Variants in TMEM244 observed in about 807,000 individuals in gnomAD.
The protein encoded by TMEM244 is putative transmembrane protein 244.
In TMEM244, 13 loss-of-function variants were observed where a neutral mutation model predicts 15.8. The ratio of observed to expected loss-of-function variants is 0.82; its 90% CI spans 0.53 to 1.30. TMEM244 has a LOEUF of 1.30. Among genes scored for constraint, TMEM244 ranks in the 50% most tolerant of loss-of-function variants. The pLI is 0.00. For missense variants in TMEM244, 161 were observed against 144.9 expected (o/e 1.11, Z -0.57); for synonymous variants, 45 against 48.7 (o/e 0.92, Z 0.32).
intron 1 of TMEM244, among the ~76,000 whole-genome samples, chr6:129,860,059 A>T (rs545652327): frequency 6.6e-6 from 1 of 151,980 alleles, no homozygotes; most frequent in African/African-American, 2.4e-5. Flanking sequence ...TGATTCTAAG[A>T]TAGTGAGGAA....
chr6:129,835,628 T>C (rs572389122), intron 3 of TMEM244, among the ~76,000 whole-genome samples: 1 of 152,086 alleles, frequency 6.6e-6, no homozygotes, highest in South Asian at 2.1e-4. Flanking sequence ...GCACAAGGGG[T>C]GGGGCGATTT....
intron 1 of TMEM244, among the ~76,000 whole-genome samples, chr6:129,859,046 G>A (rs1375779621): frequency 6.6e-6 from 1 of 152,006 alleles, no homozygotes; most frequent in African/African-American, 2.4e-5. Context: ...CGTCCGGTTT[G>A]GCCTCCTAAA....
chr6:129,833,493 C>A lies in TMEM244; in HGVS notation c.286G>T (p.Val96Phe). 1 of 1,612,954 alleles carries A rather than the reference C, an allele frequency of 6.2e-7. No individual in the cohort carries two copies. Among genetic ancestry groups the A allele is most frequent in the South Asian group, 1.1e-5 (1 of 90,908 alleles). ...GTGATGGCAACATGAAGAATAGTGA[C>A]TGAAATAGCATAATCCCAAACCCAT... Reference protein sequence around the residue: ...EEWVWDYAISVTILHVAITST... With the variant: ...EEWVWDYAISFTILHVAITST... Residue 96 changes from valine to phenylalanine, a missense_variant, in exon 4 of 5, where the codon GTC (valine) becomes TTC (phenylalanine). By Grantham distance (50) the Val-to-Phe change is conservative (BLOSUM62 -1). Transcript: ENST00000368143.
chr6:129,831,946 G>A (rs528352307), intron 4 of TMEM244, among the ~76,000 whole-genome samples: 5 of 152,260 alleles, frequency 3.3e-5, no homozygotes, highest in Admixed American at 6.5e-5. Flanking sequence ...GGGGTGTCCA[G>A]TGATTGTTTG....
At chr6:129,852,780 C>A (rs544849616) in intron 1 of TMEM244, among the ~76,000 whole-genome samples, 1 of 152,086 alleles carries the variant, frequency 6.6e-6, no homozygotes, top group African/African-American at 2.4e-5. Flanking sequence ...CTGGTGCCAG[C>A]CACAAACCAT....
chr6:129,848,745 AT>A (rs1776596969), intron 1 of TMEM244, among the ~76,000 whole-genome samples: 1 of 152,092 alleles, frequency 6.6e-6, no homozygotes, highest in African/African-American at 2.4e-5. Context: ...CAGCACTATA[AT>A]TTTTTTAAGA....
chr6:129,834,075 C>T (rs778339701), intron 3 of TMEM244, among the ~76,000 whole-genome samples: 17 of 152,198 alleles, frequency 1.1e-4, no homozygotes, highest in Admixed American at 5.2e-4. Flanking sequence ...TAAAATGGTT[C>T]GTTCAGATCG....
Position 129,831,276 on chromosome 6 carries a change from CCA to C in TMEM244, c.*41_*42del, listed in dbSNP as rs1562194091. ...ATCTATGAGAAAATAAAATATATTT[CCA>C]CAGTTATTCTATTTAACATTATTTC... On this transcript the variant is annotated 3_prime_UTR_variant, in exon 5 of 5. Coordinates refer to ENST00000368143, the MANE Select transcript of TMEM244 (RefSeq NM_001010876.2). The C allele has an allele frequency of 1.9e-6, 2 of 1,063,786 alleles. No individual in the cohort carries two copies. Among genetic ancestry groups the C allele is most frequent in the Admixed American group, 2.0e-5 (1 of 50,204 alleles). 65.9% of individuals were successfully genotyped at this position (1,063,786 alleles called of 1,614,324 possible). A position where few individuals can be genotyped will look rare whatever the true frequency, so the allele number is the denominator to read the frequency against.
chr6:129,842,190 G>A (rs949731850), intron 3 of TMEM244, among the ~76,000 whole-genome samples: 14 of 152,074 alleles, frequency 9.2e-5, no homozygotes, highest in African/African-American at 3.4e-4. Context: ...CTGACCCAAA[G>A]ACTAGAATTA....
At chr6:129,833,314 AG>A in intron 4 of TMEM244, 145 bp downstream of exon 4, 9 of 906,812 alleles carry the variant, frequency 9.9e-6, no homozygotes, top group Non-Finnish European at 1.3e-5. Flanking sequence ...GGCTGGAAAG[AG>A]GGATGAAGAC....
At chr6:129,861,090 C>A in intron 1 of TMEM244, 66 bp downstream of exon 1, 1 of 1,568,254 alleles carries the variant, frequency 6.4e-7, no homozygotes, top group Non-Finnish European at 8.8e-7. Context: ...ATTTATAGAA[C>A]ATATTCATTT....
At chr6:129,851,245 T>A (rs1336080047) in intron 1 of TMEM244, among the ~76,000 whole-genome samples, 1 of 151,986 alleles carries the variant, frequency 6.6e-6, no homozygotes, top group East Asian at 1.9e-4. Flanking sequence ...ACCCAGAAGT[T>A]CACAATGAAA....
At chr6:129,840,905 A>C (rs995621866) in intron 3 of TMEM244, among the ~76,000 whole-genome samples, 2 of 152,234 alleles carry the variant, frequency 1.3e-5, no homozygotes, top group Non-Finnish European at 2.9e-5. Context: ...AATGGCGATC[A>C]TTAAAAAGTC....
intron 3 of TMEM244, among the ~76,000 whole-genome samples, chr6:129,836,236 T>C (rs1297579332): frequency 3.9e-5 from 6 of 152,054 alleles, no homozygotes; most frequent in African/African-American, 1.4e-4. Context: ...GCAGCAATAT[T>C]TGCTGTTCTG....
At chr6:129,836,202 C>T (rs555805090) in intron 3 of TMEM244, among the ~76,000 whole-genome samples, 85 of 152,202 alleles carry the variant, frequency 5.6e-4, no homozygotes, top group South Asian at 4.8e-3. Context: ...CCCTCTGGGA[C>T]GAAGCTTCCA....
chr6:129,845,981 A>G, intron 1 of TMEM244, 129 bp from the exon 2 acceptor site: 1 of 620,426 alleles, frequency 1.6e-6, no homozygotes, highest in East Asian at 3.0e-5. Context: ...TTAAGGACCC[A>G]TGGAATGGGA....
intron 1 of TMEM244, among the ~76,000 whole-genome samples, chr6:129,853,172 T>C (rs1335141786): frequency 6.6e-6 from 1 of 152,148 alleles, no homozygotes; most frequent in Non-Finnish European, 1.5e-5. Context: ...CACCCGTGGG[T>C]CCTGTTATTT....
chr6:129,836,077 T>G (rs1384450218), intron 3 of TMEM244, among the ~76,000 whole-genome samples: 1 of 152,140 alleles, frequency 6.6e-6, no homozygotes. Flanking sequence ...CAGCATGGCA[T>G]TCGAGCTCCG....
intron 1 of TMEM244, among the ~76,000 whole-genome samples, chr6:129,848,444 C>A (rs950406524): frequency 6.6e-6 from 1 of 152,178 alleles, no homozygotes; most frequent in Admixed American, 6.6e-5. Context: ...CGGGGACAGG[C>A]ACCTACTGCC....
Sources: gnomAD v4.1 joint callset for allele counts (sites outside exome capture counted in the v4.1 genomes callset) on GRCh38, gnomAD v4.1.1 for gene constraint, MANE v1.5 for transcripts, NCBI Gene and HGNC (gene_info 2026-07-23, HGNC 2026-07-21) for gene names.